DCDC1: variants seen among roughly 807,000 people sequenced by gnomAD.
DCDC1 encodes the protein doublecortin domain-containing protein 1.
A neutral mutation model predicts 178.3 loss-of-function variants in DCDC1; 200 were observed. That is an observed-to-expected ratio of 1.12 (90% CI 1.00 to 1.26). DCDC1 has a LOEUF of 1.26. Ranked by LOEUF, DCDC1 falls within the 50% of genes most tolerant of loss-of-function variation. The probability of loss-of-function intolerance (pLI) is 0.00; values close to 1 mark genes in which losing one functional copy is unlikely to be tolerated. For missense variants in DCDC1, 1,983 were observed against 1,749.2 expected, an observed-to-expected ratio of 1.13 and a Z score of -2.38; for synonymous variants, 690 against 604.8, an observed-to-expected ratio of 1.14 and a Z score of -2.07.
rs531201384 is a variant in DCDC1, at chr11:31,196,169, C to A, written c.1221+45281G>T. ...TCCCATCTTATTCCATTCACCCTCA[C>A]AGTTGTTGTAGTTTGCTACAACAAC... is the stretch of plus-strand genomic sequence containing the variant. On this transcript the variant is annotated intron_variant, in intron 9 of 38. Coordinates refer to ENST00000684477, the MANE Select transcript of DCDC1 (RefSeq NM_001387274.1). Among the ~76,000 whole-genome samples, 7 of 151,956 alleles carry A rather than the reference C, an allele frequency of 4.6e-5. 1 individual carries two copies. The highest frequency in any genetic ancestry group is 4.6e-4 in the Admixed American group (7 of 15,234).
chr11:31,248,641 T>C (rs781302968), intron 8 of DCDC1, among the ~76,000 whole-genome samples: 6 of 152,096 alleles, frequency 3.9e-5, no homozygotes, highest in Admixed American at 1.3e-4. Context: ...ATGATTTATT[T>C]AAGATGCAAA....
At chr11:30,961,273 T>C (rs1156763685) in intron 20 of DCDC1, among the ~76,000 whole-genome samples, 2 of 152,054 alleles carry the variant, frequency 1.3e-5, no homozygotes, top group Admixed American at 6.6e-5. Flanking sequence ...CAAATCTAAA[T>C]GTGCCCTAGT....
chr11:30,894,334 G>C lies in DCDC1; in HGVS notation c.4816C>G (p.Pro1606Ala). The C allele has an allele frequency of 6.2e-7, 1 of 1,613,888 alleles. No individual in the cohort carries two copies. The highest frequency in any genetic ancestry group is 8.5e-7 in the Non-Finnish European group (1 of 1,179,838). The change falls in exon 35 of 39, where the codon CCT becomes GCT. Residue 1606 changes from proline (P) to alanine (A), a missense_variant. Transcript: ENST00000684477. ...CCTTCAACCACCACGGGCTGCACAG[G>C]GCTCTTGGTAGGAACCATGGTGGCT... ...QPATMVPTKS[P>A]VQPVVVEGGW...
At chr11:31,135,322 C>T (rs530115757) in intron 10 of DCDC1, among the ~76,000 whole-genome samples, 4 of 152,250 alleles carry the variant, frequency 2.6e-5, no homozygotes, top group South Asian at 2.1e-4. Context: ...AGACTTGATG[C>T]TTTAGCCCTA....
intron 20 of DCDC1, among the ~76,000 whole-genome samples, chr11:31,058,671 G>C (rs1278353169): frequency 6.6e-6 from 1 of 152,042 alleles, no homozygotes; most frequent in Non-Finnish European, 1.5e-5. Context: ...AGAAGCCATT[G>C]AAAGATATGG....
At chr11:31,075,373 G>A (rs1956805509) in intron 18 of DCDC1, among the ~76,000 whole-genome samples, 1 of 152,168 alleles carries the variant, frequency 6.6e-6, no homozygotes, top group East Asian at 1.9e-4. Context: ...GTACCTTTTT[G>A]ATATAATGAT....
intron 11 of DCDC1, 125 bp downstream of exon 11, chr11:31,127,344 A>G (rs918578072): frequency 1.9e-6 from 1 of 521,158 alleles, no homozygotes; most frequent in Non-Finnish European, 3.4e-6. Context: ...TTGTAATATT[A>G]CCAGTTTGAG....
In DCDC1 at chr11:30,920,810, G is replaced by A. The variant is rs1422488398; in HGVS notation, c.3259C>T (p.Pro1087Ser). 14 of 1,613,444 alleles carry A rather than the reference G, an allele frequency of 8.7e-6. No individual in the cohort carries two copies. Among genetic ancestry groups the A allele is most frequent in the African/African-American group, 4.0e-5 (3 of 74,900 alleles). Residue 1087 changes from proline (P) to serine (S), a missense_variant, in exon 25 of 39, where the codon CCT (proline) becomes TCT (serine). Physicochemically the swap from Pro to Ser is moderately conservative, Grantham distance 74 (BLOSUM62 -1). Coordinates refer to ENST00000684477, the MANE Select transcript of DCDC1 (RefSeq NM_001387274.1). ...CTGGAAGCATTTTCCGTTGTTAGAG[G>A]ATCTTCTTGCATTTGCTTTTCTTCC... ...EPEEKQMQED[P>S]LTTENASSEI...
At chr11:31,143,706 T>G (rs962778576) in intron 9 of DCDC1, among the ~76,000 whole-genome samples, 2 of 152,182 alleles carry the variant, frequency 1.3e-5, no homozygotes, top group Non-Finnish European at 2.9e-5. Flanking sequence ...GCCCCTACTT[T>G]TAGTAATGTA....
intron 21 of DCDC1, among the ~76,000 whole-genome samples, chr11:30,934,691 G>A (rs929495367): frequency 2.6e-5 from 4 of 152,156 alleles, no homozygotes; most frequent in Admixed American, 2.0e-4. Flanking sequence ...GAGCCAACAT[G>A]CAATGCATTC....
chr11:31,095,092 C>T (rs1226902162), intron 15 of DCDC1, among the ~76,000 whole-genome samples: 1 of 152,052 alleles, frequency 6.6e-6, no homozygotes, highest in Non-Finnish European at 1.5e-5. Context: ...TGGTTTCCAG[C>T]TTCATCCATG....
chr11:30,930,177 G>C (rs1946841620), intron 22 of DCDC1, among the ~76,000 whole-genome samples: 1 of 152,096 alleles, frequency 6.6e-6, no homozygotes, highest in South Asian at 2.1e-4. Context: ...TGTGTAACTT[G>C]TATTTATTAA....
At chr11:31,013,751 A>G (rs1952311909) in intron 20 of DCDC1, among the ~76,000 whole-genome samples, 1 of 152,224 alleles carries the variant, frequency 6.6e-6, no homozygotes, top group South Asian at 2.1e-4. Context: ...TAAATTTATA[A>G]TATAATTTCC....
chr11:31,238,222 A>G (rs2136861189), intron 9 of DCDC1, among the ~76,000 whole-genome samples: 1 of 152,190 alleles, frequency 6.6e-6, no homozygotes, highest in South Asian at 2.1e-4. Context: ...TGTACTTAAC[A>G]CTGCCCATCA....
intron 25 of DCDC1, among the ~76,000 whole-genome samples, chr11:30,919,907 C>T (rs2134235272): frequency 6.6e-6 from 1 of 152,212 alleles, no homozygotes; most frequent in African/African-American, 2.4e-5. Context: ...AATCTTTGCC[C>T]TCAACGTTCC....
intron 9 of DCDC1, among the ~76,000 whole-genome samples, chr11:31,225,873 A>G (rs1416413043): frequency 2.6e-5 from 4 of 151,970 alleles, no homozygotes; most frequent in Non-Finnish European, 5.9e-5. Context: ...AATAAGGAAA[A>G]CAAAGAAGTA....
intron 9 of DCDC1, among the ~76,000 whole-genome samples, chr11:31,169,497 C>T (rs767897777): frequency 5.3e-4 from 80 of 152,122 alleles, no homozygotes; most frequent in Non-Finnish European, 9.1e-4. Context: ...CAGAACAAGG[C>T]TCTTTCCTCA....
rs575069162 is a variant in DCDC1, at chr11:31,282,829, A to G, written c.960+7818T>C. ...ATTTTTTTTAAAGATATTTTCATGT[A>G]ATATAAAATAATAAGATAACCAGTT... On this transcript the variant is annotated intron_variant, in intron 7 of 38. Coordinates refer to ENST00000684477, the MANE Select transcript of DCDC1 (RefSeq NM_001387274.1). Among the ~76,000 whole-genome samples the G allele has an allele frequency of 2.6e-5, 4 of 152,262 alleles. No homozygotes were observed. In the East Asian group the frequency reaches 7.7e-4, roughly 29 times the overall value.
At chr11:31,026,489 T>C (rs1287676531) in intron 20 of DCDC1, among the ~76,000 whole-genome samples, 3 of 151,840 alleles carry the variant, frequency 2.0e-5, no homozygotes, top group African/African-American at 7.2e-5. Flanking sequence ...CAAGTATAGC[T>C]GTTATGTGAC....
Sources: allele counts gnomAD v4.1 joint callset (sites outside exome capture counted in the v4.1 genomes callset), GRCh38; gene constraint gnomAD v4.1.1; transcripts MANE v1.5; gene names NCBI Gene and HGNC (gene_info 2026-07-23, HGNC 2026-07-21).